EYA2: variants seen among roughly 807,000 people sequenced by gnomAD.
EYA2 encodes the protein protein phosphatase EYA2.
In EYA2, 31 loss-of-function variants were observed where a neutral mutation model predicts 69.2. The ratio of observed to expected loss-of-function variants is 0.45; its 90% CI spans 0.34 to 0.60. EYA2 has a LOEUF of 0.60. EYA2 is among the 20% of genes least tolerant of loss of function. The probability of loss-of-function intolerance (pLI) is 0.02; values close to 1 mark genes in which losing one functional copy is unlikely to be tolerated. For missense variants in EYA2, 622 were observed against 701.2 expected (o/e 0.89, Z 1.28); for synonymous variants, 257 against 279.4 (o/e 0.92, Z 0.80).
chr20:47,158,126 G>A (rs891763855), intron 10 of EYA2, among the ~76,000 whole-genome samples: 15 of 151,996 alleles, frequency 9.9e-5, no homozygotes, highest in Non-Finnish European at 2.1e-4. Context: ...GAGGGGTCTG[G>A]ACTATAATTG....
chr20:47,143,025 C>T (rs780335186), intron 9 of EYA2, 34 bp from the exon 10 acceptor site: 7 of 1,592,088 alleles, frequency 4.4e-6, no homozygotes, highest in South Asian at 1.1e-5. Context: ...TCAGGCTCCG[C>T]GTGCATGTGA....
At chr20:47,028,917 AT>A (rs1292822755) in intron 5 of EYA2, among the ~76,000 whole-genome samples, 1 of 151,426 alleles carries the variant, frequency 6.6e-6, no homozygotes, top group Non-Finnish European at 1.5e-5. Context: ...GATGCCATAG[AT>A]TATTCAAAAT....
intron 1 of EYA2, among the ~76,000 whole-genome samples, chr20:46,937,996 C>T (rs551401067): frequency 2.0e-5 from 3 of 152,250 alleles, no homozygotes; most frequent in South Asian, 4.2e-4. Flanking sequence ...CCTATGAGAT[C>T]GATCTTATCT....
At chr20:47,148,040 C>T (rs991071461) in intron 10 of EYA2, among the ~76,000 whole-genome samples, 51 of 101,088 alleles carry the variant, frequency 5.0e-4, no homozygotes, top group African/African-American at 1.9e-3. Flanking sequence ...GCCTGGGCGA[C>T]AGAGCAAGAC....
intron 5 of EYA2, among the ~76,000 whole-genome samples, chr20:47,047,887 C>T (rs991678579): frequency 6.6e-6 from 1 of 151,360 alleles, no homozygotes; most frequent in Non-Finnish European, 1.5e-5. Context: ...CTGCTGCCCG[C>T]ATTCCTTGGC....
chr20:47,073,443 T>C (rs997243836), intron 6 of EYA2, among the ~76,000 whole-genome samples: 10 of 151,998 alleles, frequency 6.6e-5, no homozygotes, highest in Non-Finnish European at 5.9e-5. Flanking sequence ...TCTCCTGGGT[T>C]TGTGTGTCGT....
At chr20:46,965,602 G>A (rs1404245132) in intron 1 of EYA2, among the ~76,000 whole-genome samples, 1 of 152,354 alleles carries the variant, frequency 6.6e-6, no homozygotes, top group East Asian at 1.9e-4. Context: ...CTTCTTCCCA[G>A]CGTGCAGAAC....
At chr20:46,987,756 G>A (rs574136255) in intron 1 of EYA2, among the ~76,000 whole-genome samples, 15 of 151,676 alleles carry the variant, frequency 9.9e-5, no homozygotes, top group African/African-American at 2.9e-4. Flanking sequence ...GCAAAACCCC[G>A]TCTCTACTAA....
chr20:47,030,794 A>G (rs1350847193), intron 5 of EYA2, among the ~76,000 whole-genome samples: 19 of 152,124 alleles, frequency 1.2e-4, no homozygotes, highest in Non-Finnish European at 2.5e-4. Context: ...GTCTTGCTCT[A>G]TAGCCCAGAC....
intron 5 of EYA2, among the ~76,000 whole-genome samples, chr20:47,020,552 A>G (rs112181471): frequency 7.0e-4 from 107 of 152,126 alleles, no homozygotes; most frequent in African/African-American, 2.5e-3. Flanking sequence ...TTCTTCTGGT[A>G]AAACACTGCT....
chr20:47,024,564 G>A (rs533161547), intron 5 of EYA2, among the ~76,000 whole-genome samples: 2 of 152,210 alleles, frequency 1.3e-5, no homozygotes, highest in Non-Finnish European at 2.9e-5. Flanking sequence ...CCTCCAGAGC[G>A]CTCCCAGCAC....
chr20:46,903,453 G>A (rs1984211377), intron 1 of EYA2, among the ~76,000 whole-genome samples: 1 of 152,194 alleles, frequency 6.6e-6, no homozygotes, highest in Admixed American at 6.5e-5. Flanking sequence ...GCGTTGTGCA[G>A]AATGAGGAGG....
intron 5 of EYA2, among the ~76,000 whole-genome samples, chr20:47,060,215 T>G (rs1321343116): frequency 6.6e-6 from 1 of 152,246 alleles, no homozygotes; most frequent in Non-Finnish European, 1.5e-5. Context: ...ATAATCACGT[T>G]CATTGTGTAT....
intron 5 of EYA2, among the ~76,000 whole-genome samples, chr20:47,062,968 T>G (rs2030952083): frequency 6.6e-6 from 1 of 152,170 alleles, no homozygotes; most frequent in Non-Finnish European, 1.5e-5. Flanking sequence ...TGGGCCTTTC[T>G]GTGCCCTTTC....
chr20:47,118,269 G>T (rs2146552831), intron 9 of EYA2, among the ~76,000 whole-genome samples: 1 of 152,294 alleles, frequency 6.6e-6, no homozygotes, highest in African/African-American at 2.4e-5. Context: ...CTGAGTAAAA[G>T]GTGTTTAGTC....
intron 1 of EYA2, among the ~76,000 whole-genome samples, chr20:46,988,275 T>C (rs935195874): frequency 1.3e-5 from 2 of 151,794 alleles, no homozygotes; most frequent in African/African-American, 4.8e-5. Flanking sequence ...TTTTGAACTT[T>C]ATGTTGAATA....
chr20:46,967,075 G>A (rs918114116), intron 1 of EYA2, among the ~76,000 whole-genome samples: 5 of 151,882 alleles, frequency 3.3e-5, no homozygotes, highest in African/African-American at 1.2e-4. Context: ...TCACTGCAAC[G>A]TCCACCTCCC....
At chr20:47,180,732 G>A (rs528436155) in intron 13 of EYA2, 83 bp from the exon 14 acceptor site, 58 of 1,532,932 alleles carry the variant, frequency 3.8e-5, no homozygotes, top group African/African-American at 2.5e-4. Context: ...CAGATTTCCC[G>A]CCAACTGCAG....
intron 3 of EYA2, among the ~76,000 whole-genome samples, chr20:47,002,529 C>T (rs1250710203): frequency 6.6e-6 from 1 of 152,212 alleles, no homozygotes; most frequent in Non-Finnish European, 1.5e-5. Flanking sequence ...CTGCAAAGGA[C>T]ATGATCTTGT....
Sources: allele counts gnomAD v4.1 joint callset (sites outside exome capture counted in the v4.1 genomes callset), GRCh38; gene constraint gnomAD v4.1.1; transcripts MANE v1.5; gene names NCBI Gene and HGNC (gene_info 2026-07-23, HGNC 2026-07-21).